Variants in NEO1 observed in about 807,000 individuals in gnomAD.
The protein encoded by NEO1 is neogenin 1, also known as neogenin.
Under a neutral mutation model 159.7 loss-of-function variants are expected in NEO1, and 63 were observed. The observed-to-expected ratio is 0.39, with a 90% CI of 0.32 to 0.49. The LOEUF (loss-of-function observed/expected upper bound fraction) is 0.49, where lower values mean the gene tolerates loss of function less well. Among genes scored for constraint, NEO1 ranks in the 20% least tolerant of loss-of-function variants. The pLI, the probability that NEO1 is intolerant of heterozygous loss-of-function variation, is 0.85. For missense variants in NEO1, 1,615 were observed against 1,831.0 expected, an observed-to-expected ratio of 0.88 and a Z score of 2.15; for synonymous variants, 633 against 662.0, an observed-to-expected ratio of 0.96 and a Z score of 0.67.
intron 9 of NEO1, among the ~76,000 whole-genome samples, chr15:73,248,203 A>G (rs1041898867): frequency 6.6e-6 from 1 of 152,146 alleles, no homozygotes; most frequent in Non-Finnish European, 1.5e-5. Context: ...TACAATTATT[A>G]TTATTTTATC....
At chr15:73,122,862 T>G in intron 3 of NEO1, 62 bp downstream of exon 3, 3 of 1,576,460 alleles carry the variant, frequency 1.9e-6, no homozygotes, top group Non-Finnish European at 2.6e-6. Context: ...ATTGTTCTGT[T>G]AGAATTTTTA....
chr15:73,209,952 G>A (rs964494227), intron 7 of NEO1, among the ~76,000 whole-genome samples: 1 of 152,004 alleles, frequency 6.6e-6, no homozygotes, highest in Admixed American at 6.6e-5. Flanking sequence ...GCAGGGAGCC[G>A]AGATCGCACC....
chr15:73,146,957 A>AATTC (rs1472224062), intron 5 of NEO1, among the ~76,000 whole-genome samples: 1 of 152,196 alleles, frequency 6.6e-6, no homozygotes, highest in Non-Finnish European at 1.5e-5. Context: ...AAATAAGCAA[A>AATTC]ATTCATGGTG....
intron 1 of NEO1, among the ~76,000 whole-genome samples, chr15:73,093,861 G>A (rs575008249): frequency 5.9e-4 from 90 of 152,164 alleles, no homozygotes; most frequent in Non-Finnish European, 9.6e-4. Flanking sequence ...TTATAGGCAC[G>A]AGCCACTGTG....
chr15:73,133,974 G>A (rs182615160), intron 4 of NEO1, among the ~76,000 whole-genome samples: 12 of 152,128 alleles, frequency 7.9e-5, no homozygotes, highest in African/African-American at 2.2e-4. Flanking sequence ...ACTGTATCTC[G>A]CTTTCAAAAA....
chr15:73,064,433 A>G (rs946157496), intron 1 of NEO1, among the ~76,000 whole-genome samples: 1 of 152,144 alleles, frequency 6.6e-6, no homozygotes, highest in African/African-American at 2.4e-5. Context: ...TGTGTGTATG[A>G]TATGACTTCT....
At position 73,249,220 on chromosome 15, in the gene NEO1, A is replaced by G; in HGVS notation, c.1755+12A>G. On this transcript the variant is annotated intron_variant, in intron 10 of 28. Coordinates refer to ENST00000261908, the MANE Select transcript of NEO1 (RefSeq NM_002499.4). ...CTGATAAAGAACAGGTATGAAGTGA[A>G]GCAACTTTTCAAACCATTGATTGGA... The G allele has an allele frequency of 1.9e-6, 3 of 1,613,052 alleles. No homozygotes were observed. Among genetic ancestry groups the G allele is most frequent in the African/African-American group, 2.7e-5 (2 of 75,032 alleles).
intron 11 of NEO1, among the ~76,000 whole-genome samples, chr15:73,251,986 TAC>T: frequency 6.6e-6 from 1 of 152,232 alleles, no homozygotes. Context: ...ATATGTTGGA[TAC>T]CTCTGCAACC....
intron 11 of NEO1, among the ~76,000 whole-genome samples, chr15:73,252,788 A>G (rs1488697406): frequency 6.6e-6 from 1 of 152,090 alleles, no homozygotes; most frequent in Admixed American, 6.5e-5. Flanking sequence ...TCAGGAGTTC[A>G]AGACCAGCCT....
At chr15:73,136,547 C>G (rs1397073752) in intron 5 of NEO1, among the ~76,000 whole-genome samples, 1 of 152,086 alleles carries the variant, frequency 6.6e-6, no homozygotes, top group Admixed American at 6.5e-5. Context: ...GTGAACAGAT[C>G]ACCCAGGAAG....
intron 26 of NEO1, among the ~76,000 whole-genome samples, chr15:73,295,885 C>G (rs1239055453): frequency 6.6e-6 from 1 of 152,200 alleles, no homozygotes; most frequent in African/African-American, 2.4e-5. Context: ...AGTGTGAACT[C>G]TGTGTGTCTT....
At chr15:73,281,989 C>T (rs1478007599) in intron 22 of NEO1, among the ~76,000 whole-genome samples, 5 of 152,176 alleles carry the variant, frequency 3.3e-5, no homozygotes, top group Non-Finnish European at 7.3e-5. Flanking sequence ...AATGGTCCAG[C>T]CTCTGCAGCT....
chr15:73,122,063 G>GTATATATATATATA (rs200219694), intron 2 of NEO1, among the ~76,000 whole-genome samples: 15 of 126,358 alleles, frequency 1.2e-4, no homozygotes, highest in Non-Finnish European at 1.6e-4. Flanking sequence ...GTGTGTGTGT[G>GTATATATATATATA]TATATATATA....
intron 5 of NEO1, among the ~76,000 whole-genome samples, chr15:73,172,443 T>C (rs1167814691): frequency 2.0e-5 from 3 of 152,206 alleles, no homozygotes; most frequent in East Asian, 3.9e-4. Context: ...ATCAAAGATA[T>C]ACGTTAAAGT....
At position 73,198,562 on chromosome 15, in the gene NEO1, C is replaced by T. The variant is rs1389619891; in HGVS notation, c.1291+20135C>T. On this transcript the variant is annotated intron_variant, in intron 7 of 28. Transcript: ENST00000261908. ...TTTATTTGAATTTAAAGAATAAAAC[C>T]GCCAGTTTCATATTGTCCAGATTGA... is the stretch of plus-strand genomic sequence containing the variant. 7.9e-5 allele frequency among the ~76,000 whole-genome samples: 12 copies of T among 151,490 alleles called. No individual in the cohort carries two copies. In the South Asian group the frequency reaches 1.0e-3, roughly 13 times the overall value.
intron 7 of NEO1, among the ~76,000 whole-genome samples, chr15:73,224,866 G>C (rs960523635): frequency 1.3e-5 from 2 of 151,930 alleles, no homozygotes; most frequent in African/African-American, 4.8e-5. Flanking sequence ...TTTGGGGGGG[G>C]TGTTAAAGAG....
chr15:73,081,801 C>T (rs1460211217), intron 1 of NEO1, among the ~76,000 whole-genome samples: 1 of 151,954 alleles, frequency 6.6e-6, no homozygotes, highest in African/African-American at 2.4e-5. Context: ...GTCTTGAGCT[C>T]CTGTCTCAGC....
intron 22 of NEO1, among the ~76,000 whole-genome samples, chr15:73,278,961 G>C (rs149523929): frequency 6.6e-6 from 1 of 152,320 alleles, no homozygotes; most frequent in Non-Finnish European, 1.5e-5. Flanking sequence ...CACAGAAGTA[G>C]TTACTAGGAA....
intron 13 of NEO1, among the ~76,000 whole-genome samples, chr15:73,257,358 A>G (rs990878915): frequency 2.0e-5 from 3 of 151,586 alleles, no homozygotes; most frequent in Non-Finnish European, 2.9e-5. Flanking sequence ...TAGAATTTTT[A>G]TGGTAAAAAT....
Sources: gnomAD v4.1 joint callset for allele counts (sites outside exome capture counted in the v4.1 genomes callset) on GRCh38, gnomAD v4.1.1 for gene constraint, MANE v1.5 for transcripts, NCBI Gene and HGNC (gene_info 2026-07-23, HGNC 2026-07-21) for gene names.